The following DMD variants were observed in gnomAD, a reference collection of about 807,000 sequenced individuals.
DMD encodes mutant dystrophin.
Under a neutral mutation model 330.1 loss-of-function variants are expected in DMD, and 63 were observed. The ratio of observed to expected loss-of-function variants is 0.19; its 90% confidence interval spans 0.16 to 0.24. The LOEUF (loss-of-function observed/expected upper bound fraction) is 0.24, where lower values mean the gene tolerates loss of function less well. Among genes scored for constraint, DMD ranks in the 10% least tolerant of loss-of-function variants. The pLI is 1.00. For synonymous variants in DMD, 1,223 were observed against 959.8 expected (o/e 1.27, Z -5.07); for missense variants, 3,344 against 2,684.1 (o/e 1.25, Z -5.43).
At chrX:31,600,336 T>C (rs1176520159) in intron 55 of DMD, among the ~76,000 whole-genome samples, 1 of 111,362 alleles carries the variant, frequency 9.0e-6, no homozygotes, top group Non-Finnish European at 1.9e-5. Flanking sequence ...TGAATACTAA[T>C]AGAAATTGTA....
intron 1 of DMD, among the ~76,000 whole-genome samples, chrX:33,260,940 A>G (rs951282021): frequency 1.8e-5 from 2 of 111,301 alleles, no homozygotes; most frequent in South Asian, 3.7e-4. Context: ...AAAAATTACA[A>G]CAAAAGCGAT....
At chrX:32,502,870 G>C (rs1201462064) in intron 18 of DMD, among the ~76,000 whole-genome samples, 1 of 111,206 alleles carries the variant, frequency 9.0e-6, no homozygotes, top group Non-Finnish European at 1.9e-5. Context: ...CCACTGTTGA[G>C]TATAAATTTG....
chrX:31,290,789 A>C (rs554879451), intron 62 of DMD, among the ~76,000 whole-genome samples: 2 of 111,906 alleles, frequency 1.8e-5, no homozygotes, highest in South Asian at 7.4e-4. Context: ...GGCAAAAGCA[A>C]ACAAACAAAC....
At chrX:32,516,868 AAT>A (rs2045910114) in intron 18 of DMD, 1 of 111,947 alleles carries the variant, frequency 8.9e-6, no homozygotes, top group African/African-American at 3.2e-5. Flanking sequence ...AACAATTTAG[AAT>A]AGTCTATTAT....
chrX:32,252,745 A>AAT (rs1350528287), intron 43 of DMD, among the ~76,000 whole-genome samples: 20 of 37,946 alleles, frequency 5.3e-4, no homozygotes, highest in Admixed American at 1.1e-3. Context: ...TATATATATA[A>AAT]ATATATATAA....
chrX:31,779,352 G>C (rs775473829), intron 50 of DMD, among the ~76,000 whole-genome samples: 3 of 111,350 alleles, frequency 2.7e-5, no homozygotes, highest in African/African-American at 9.8e-5. Context: ...CCCCAAGTCT[G>C]TTCATGCCTG....
rs190991969 is a variant in DMD at position 31,529,791 on chromosome X, T to C, written c.8218-22338A>G. On this transcript the variant is annotated intron_variant, in intron 55 of 78. Coordinates refer to ENST00000357033, the MANE Select transcript of DMD (RefSeq NM_004006.3). ...AATGAAAAGAGGGCCAATAACAAAA[T>C]GCCCTTCAAAGAAAACACTTTGTGA... Among the ~76,000 whole-genome samples, 253 of 110,605 alleles carry C rather than the reference T, an allele frequency of 2.3e-3. No homozygotes were observed. In the Middle Eastern group the frequency reaches 0.033, roughly 15 times the overall value.
chrX:31,763,689 T>A (rs2089791473), intron 51 of DMD, among the ~76,000 whole-genome samples: 1 of 112,152 alleles, frequency 8.9e-6, no homozygotes, highest in African/African-American at 3.2e-5. Flanking sequence ...GACATACCAG[T>A]CAACTATATA....
intron 52 of DMD, among the ~76,000 whole-genome samples, chrX:31,715,965 C>A (rs924072089): frequency 8.9e-6 from 1 of 111,966 alleles, no homozygotes; most frequent in African/African-American, 3.2e-5. Flanking sequence ...TCCAATCAAT[C>A]AGTAAGTATT....
At chrX:31,934,018 A>T (rs2094892305) in intron 45 of DMD, among the ~76,000 whole-genome samples, 1 of 110,166 alleles carries the variant, frequency 9.1e-6, no homozygotes, top group Middle Eastern at 4.2e-3. Flanking sequence ...ACCTTCTAAG[A>T]GCTCAATTGG....
intron 55 of DMD, among the ~76,000 whole-genome samples, chrX:31,614,176 T>G (rs2078076669): frequency 8.9e-6 from 1 of 112,302 alleles, no homozygotes; most frequent in African/African-American, 3.2e-5. Context: ...GAAGAATGCC[T>G]GGTCAAGTGG....
intron 47 of DMD, among the ~76,000 whole-genome samples, chrX:31,914,220 G>A (rs1436495445): frequency 1.8e-5 from 2 of 111,742 alleles, no homozygotes; most frequent in Non-Finnish European, 3.8e-5. Flanking sequence ...AGCACTTACT[G>A]CTGTCTTTGT....
intron 2 of DMD, among the ~76,000 whole-genome samples, chrX:32,858,566 G>T (rs67133816): frequency 0.056 from 6,261 of 111,253 alleles, 411 homozygotes; most frequent in African/African-American, 0.19. Context: ...TTGACCTTGT[G>T]ATCCGCCTCC....
intron 33 of DMD, among the ~76,000 whole-genome samples, chrX:32,381,677 A>G (rs950816251): frequency 1.8e-5 from 2 of 111,829 alleles, no homozygotes; most frequent in East Asian, 2.8e-4. Flanking sequence ...ATGAATGAAG[A>G]CTTGCAAATC....
At chrX:32,977,592 T>TA (rs1490804371) in intron 2 of DMD, among the ~76,000 whole-genome samples, 1 of 111,455 alleles carries the variant, frequency 9.0e-6, no homozygotes, top group Non-Finnish European at 1.9e-5. Context: ...TTTCTGTGTA[T>TA]AATAGACTCT....
chrX:32,636,607 C>G (rs6527209), intron 11 of DMD, among the ~76,000 whole-genome samples: 13,265 of 111,509 alleles, frequency 0.12, 1,980 homozygotes, highest in African/African-American at 0.41. Flanking sequence ...TCCGAGGCAA[C>G]ATTAAAGTTC....
At chrX:31,325,438 A>G (rs2056714277) in intron 61 of DMD, among the ~76,000 whole-genome samples, 1 of 90,543 alleles carries the variant, frequency 1.1e-5, no homozygotes, top group South Asian at 5.7e-4. Context: ...TATCTCTACT[A>G]AAAATACCAA....
Position 32,295,721 on chromosome X carries a change from A to G in DMD, c.6118-8020T>C, listed in dbSNP as rs770640863. 4.5e-5 allele frequency among the ~76,000 whole-genome samples: 5 copies of G among 112,144 alleles called. No homozygotes were observed. In the South Asian group the frequency reaches 1.1e-3, roughly 25 times the overall value. On this transcript the variant is annotated intron_variant, in intron 42 of 78. Transcript: ENST00000357033. ...AAACAAGGGACCTATTTGCCAACTA[A>G]TCAGTTTAAGATAAAGGTATGAAGC...
At chrX:32,827,567 G>C (rs2078816830) in intron 4 of DMD, among the ~76,000 whole-genome samples, 1 of 110,564 alleles carries the variant, frequency 9.0e-6, no homozygotes, top group African/African-American at 3.3e-5. Flanking sequence ...TAGTTTTTCT[G>C]ATCCTCTCCC....
Sources: allele counts gnomAD v4.1 joint callset (sites outside exome capture counted in the v4.1 genomes callset), GRCh38; gene constraint gnomAD v4.1.1; transcripts MANE v1.5; gene names NCBI Gene and HGNC (gene_info 2026-07-23, HGNC 2026-07-21).